The following CCDC91 variants were observed in gnomAD, a reference collection of about 807,000 sequenced individuals.
CCDC91 encodes the protein coiled-coil domain-containing protein 91.
CCDC91 carries 48 observed loss-of-function variants against 63.2 expected under a neutral mutation model. The observed-to-expected ratio is 0.76, with a 90% confidence interval of 0.60 to 0.97. CCDC91 has a LOEUF of 0.97. CCDC91 is among the 50% of genes least tolerant of loss of function. CCDC91 has a pLI of 0.00. For synonymous variants in CCDC91, 167 were observed against 165.8 expected, an observed-to-expected ratio of 1.01 and a Z score of -0.06; for missense variants, 500 against 494.6, an observed-to-expected ratio of 1.01 and a Z score of -0.10.
intron 3 of CCDC91, among the ~76,000 whole-genome samples, chr12:28,267,202 C>T (rs1283877700): frequency 6.6e-6 from 1 of 151,674 alleles, no homozygotes; most frequent in Non-Finnish European, 1.5e-5. Context: ...TTTAACCATC[C>T]CAATATCTTC....
At chr12:28,260,487 T>G (rs1946752733) in intron 3 of CCDC91, among the ~76,000 whole-genome samples, 1 of 152,006 alleles carries the variant, frequency 6.6e-6, no homozygotes, top group Non-Finnish European at 1.5e-5. Context: ...TGCTGGGAAT[T>G]GTCTTTATTG....
chr12:28,363,850 C>T (rs1284748700), intron 7 of CCDC91, among the ~76,000 whole-genome samples: 2 of 130,960 alleles, frequency 1.5e-5, no homozygotes, highest in African/African-American at 5.9e-5. Flanking sequence ...GCACTCTAGC[C>T]TGGGCAACAG....
chr12:28,323,074 T>C (rs1336671501), intron 6 of CCDC91, among the ~76,000 whole-genome samples: 1 of 151,484 alleles, frequency 6.6e-6, no homozygotes, highest in Admixed American at 6.6e-5. Flanking sequence ...TTTTATCATA[T>C]ATTCTGGAAT....
chr12:28,323,250 A>G (rs1940687181), intron 6 of CCDC91, among the ~76,000 whole-genome samples: 2 of 151,636 alleles, frequency 1.3e-5, no homozygotes, highest in Admixed American at 6.6e-5. Context: ...TCTATGTTCA[A>G]TTCCGGTCAT....
chr12:28,423,780 T>G (rs916223714), intron 8 of CCDC91, among the ~76,000 whole-genome samples: 1 of 152,156 alleles, frequency 6.6e-6, no homozygotes, highest in Non-Finnish European at 1.5e-5. Context: ...ACTAATGTAA[T>G]TTAATTGTGT....
intron 1 of CCDC91, among the ~76,000 whole-genome samples, chr12:28,190,969 C>G (rs555060552): frequency 1.3e-5 from 2 of 152,224 alleles, no homozygotes; most frequent in Non-Finnish European, 2.9e-5. Context: ...AAGCGCCTAC[C>G]GAACGGAGAC....
intron 6 of CCDC91, among the ~76,000 whole-genome samples, chr12:28,312,418 T>C (rs1939420760): frequency 6.6e-6 from 1 of 152,066 alleles, no homozygotes; most frequent in Non-Finnish European, 1.5e-5. Flanking sequence ...TGTAAATACC[T>C]GATTCAGGAA....
intron 6 of CCDC91, among the ~76,000 whole-genome samples, chr12:28,353,881 T>A (rs185764841): frequency 6.6e-6 from 1 of 152,120 alleles, no homozygotes; most frequent in East Asian, 1.9e-4. Context: ...ACAACACACA[T>A]TGGGGCCAAT....
chr12:28,504,359 T>C (rs1938436407), intron 12 of CCDC91, among the ~76,000 whole-genome samples: 1 of 151,946 alleles, frequency 6.6e-6, no homozygotes, highest in Non-Finnish European at 1.5e-5. Flanking sequence ...TTCTATTCAT[T>C]CATTAACAAA....
chr12:28,454,118 T>G (rs1402351373), intron 11 of CCDC91, among the ~76,000 whole-genome samples: 1 of 152,188 alleles, frequency 6.6e-6, no homozygotes, highest in Non-Finnish European at 1.5e-5. Context: ...TTGCACGTTT[T>G]GCTAGAAAGT....
At chr12:28,277,155 G>A (rs1323720758) in intron 3 of CCDC91, among the ~76,000 whole-genome samples, 2 of 151,842 alleles carry the variant, frequency 1.3e-5, no homozygotes, top group African/African-American at 2.4e-5. Context: ...AACTGAAAAA[G>A]CCTGGGTTCA....
At chr12:28,200,751 G>A (rs1057234333) in intron 1 of CCDC91, among the ~76,000 whole-genome samples, 4 of 151,122 alleles carry the variant, frequency 2.6e-5, no homozygotes, top group Admixed American at 6.6e-5. Context: ...CCACAAAACC[G>A]CCATTGTCAT....
At chr12:28,350,856 T>A (rs1176556351) in intron 6 of CCDC91, among the ~76,000 whole-genome samples, 4 of 152,150 alleles carry the variant, frequency 2.6e-5, no homozygotes, top group African/African-American at 9.7e-5. Context: ...TCTTTTCTCT[T>A]ATAAGGGAAT....
chr12:28,270,326 A>G (rs1359408567), intron 3 of CCDC91, among the ~76,000 whole-genome samples: 2 of 152,142 alleles, frequency 1.3e-5, no homozygotes, highest in African/African-American at 2.4e-5. Flanking sequence ...AATCCTATAG[A>G]AAGTTTGCTA....
chr12:28,382,644 G>C (rs1252723447), intron 7 of CCDC91, among the ~76,000 whole-genome samples: 1 of 152,060 alleles, frequency 6.6e-6, no homozygotes, highest in Non-Finnish European at 1.5e-5. Flanking sequence ...ATCATTTAAG[G>C]CTTGATTCAG....
intron 8 of CCDC91, among the ~76,000 whole-genome samples, chr12:28,396,642 TTTTGTGTG>T (rs36214693): frequency 0.68 from 101,475 of 148,454 alleles, 38,065 homozygotes; most frequent in South Asian, 0.88. Context: ...ATAAAGGAGA[TTTTGTGTG>T]TGTGTGTGTG....
At chr12:28,534,942 G>C (rs1337351517) in intron 12 of CCDC91, among the ~76,000 whole-genome samples, 2 of 152,156 alleles carry the variant, frequency 1.3e-5, no homozygotes, top group African/African-American at 4.8e-5. Context: ...TATATTTTTG[G>C]TAAAGTTTGT....
chr12:28,387,559 G>T (rs1945680936), intron 7 of CCDC91, among the ~76,000 whole-genome samples: 1 of 151,618 alleles, frequency 6.6e-6, no homozygotes, highest in South Asian at 2.1e-4. Context: ...TTTCCCCCAA[G>T]TCCCCAAAAT....
chr12:28,427,490 C>T (rs1349242116), intron 8 of CCDC91, among the ~76,000 whole-genome samples: 6 of 152,098 alleles, frequency 3.9e-5, no homozygotes, highest in African/African-American at 1.4e-4. Context: ...CCCCCCGACC[C>T]CACCCCTCAC....
Sources: gnomAD v4.1 joint callset for allele counts (sites outside exome capture counted in the v4.1 genomes callset) on GRCh38, gnomAD v4.1.1 for gene constraint, MANE v1.5 for transcripts, NCBI Gene and HGNC (gene_info 2026-07-23, HGNC 2026-07-21) for gene names.